The following CAMSAP2 variants were observed in gnomAD, a reference collection of about 807,000 sequenced individuals.
CAMSAP2 encodes the protein calmodulin-regulated spectrin-associated protein 2.
A neutral mutation model predicts 146.1 loss-of-function variants in CAMSAP2; 26 were observed. The ratio of observed to expected loss-of-function variants is 0.18; its 90% CI spans 0.13 to 0.25. CAMSAP2 has a LOEUF of 0.25. CAMSAP2 is among the 10% of genes least tolerant of loss of function. The pLI is 1.00. For synonymous variants in CAMSAP2, 499 were observed against 596.6 expected (o/e 0.84, Z 2.38); for missense variants, 1,381 against 1,759.3 (o/e 0.78, Z 3.85).
intron 2 of CAMSAP2, among the ~76,000 whole-genome samples, chr1:200,774,306 A>AG (rs1665205148): frequency 6.9e-6 from 1 of 144,280 alleles, no homozygotes; most frequent in African/African-American, 2.6e-5. Context: ...CTTCTGTAAT[A>AG]GAAAAAAAAA....
intron 2 of CAMSAP2, among the ~76,000 whole-genome samples, chr1:200,779,717 T>G (rs901813942): frequency 2.6e-5 from 4 of 152,250 alleles, no homozygotes; most frequent in Non-Finnish European, 5.9e-5. Context: ...CTGAATCTTC[T>G]TGTTCTATGA....
intron 11 of CAMSAP2, among the ~76,000 whole-genome samples, 195 bp from the exon 12 acceptor site, chr1:200,852,346 T>C (rs1667642185): frequency 6.6e-6 from 1 of 152,198 alleles, no homozygotes; most frequent in Non-Finnish European, 1.5e-5. Context: ...TTGCCTGTCC[T>C]CTTTTTTGAT....
At chr1:200,799,249 G>T (rs1047166715) in intron 2 of CAMSAP2, among the ~76,000 whole-genome samples, 1 of 152,056 alleles carries the variant, frequency 6.6e-6, no homozygotes, top group East Asian at 1.9e-4. Context: ...AATGGTACCA[G>T]CTCCTCTTTG....
chr1:200,854,182 A>G (rs1307003682), intron 13 of CAMSAP2, among the ~76,000 whole-genome samples: 1 of 151,942 alleles, frequency 6.6e-6, no homozygotes, highest in Non-Finnish European at 1.5e-5. Flanking sequence ...GGGTTTCTTC[A>G]TGTTGTTCAG....
intron 3 of CAMSAP2, among the ~76,000 whole-genome samples, chr1:200,811,311 T>C (rs1361533886): frequency 6.6e-6 from 1 of 152,120 alleles, no homozygotes; most frequent in Non-Finnish European, 1.5e-5. Flanking sequence ...ACATGCACAG[T>C]CCAGGGCTCA....
intron 8 of CAMSAP2, 94 bp from the exon 9 acceptor site, chr1:200,847,116 A>T: frequency 1.2e-6 from 1 of 804,336 alleles, no homozygotes; most frequent in South Asian, 1.8e-5. Flanking sequence ...TTGTAGAATG[A>T]GAGGTGGTAG....
chr1:200,742,893 A>G (rs1205823562), intron 1 of CAMSAP2, among the ~76,000 whole-genome samples: 1 of 152,202 alleles, frequency 6.6e-6, no homozygotes, highest in Non-Finnish European at 1.5e-5. Flanking sequence ...AATATGGAAT[A>G]TTTACTTAAT....
intron 3 of CAMSAP2, among the ~76,000 whole-genome samples, chr1:200,808,282 A>G (rs1382497500): frequency 6.6e-6 from 1 of 152,138 alleles, no homozygotes; most frequent in East Asian, 1.9e-4. Context: ...TGGAGCTGTG[A>G]TTTGTGCTTT....
chr1:200,835,483 A>T (rs1393702523), intron 6 of CAMSAP2, among the ~76,000 whole-genome samples: 1 of 152,204 alleles, frequency 6.6e-6, no homozygotes, highest in Non-Finnish European at 1.5e-5. Context: ...TGTGCCAGAC[A>T]CTATTCTTAG....
At chr1:200,781,055 A>C (rs1665415171) in intron 2 of CAMSAP2, among the ~76,000 whole-genome samples, 1 of 152,192 alleles carries the variant, frequency 6.6e-6, no homozygotes, top group African/African-American at 2.4e-5. Context: ...ACTTTTTTTC[A>C]GGGAATTTTT....
chr1:200,745,755 A>C (rs956140765), intron 1 of CAMSAP2, among the ~76,000 whole-genome samples: 5 of 152,222 alleles, frequency 3.3e-5, no homozygotes, highest in Non-Finnish European at 5.9e-5. Flanking sequence ...TACAGGCATG[A>C]GCCTTTGTGC....
chr1:200,739,578 A>G lies in CAMSAP2; in HGVS notation c.-250A>G, dbSNP rs1664085038. On this transcript the variant is annotated 5_prime_UTR_variant, in exon 1 of 17. Transcript: ENST00000358823. This position sits in a 1 kb window ranked among gnomAD's most constrained non-coding sequence, Gnocchi z 4.8. ...CGGGCACGGGGCGGACCTCGCGCGG[A>G]CGGACGGACGGAGACGGCGCCGCCA... is the stretch of plus-strand genomic sequence containing the variant. The G allele has an allele frequency of 5.0e-6, 1 of 201,676 alleles. No individual in the cohort carries two copies. Among genetic ancestry groups the G allele is most frequent in the Non-Finnish European group, 9.7e-6 (1 of 102,984 alleles). 12.5% of individuals were successfully genotyped at this position (201,676 alleles called of 1,614,324 possible).
intron 1 of CAMSAP2, among the ~76,000 whole-genome samples, chr1:200,745,357 ATAT>A (rs1664293001): frequency 6.6e-6 from 1 of 152,124 alleles, no homozygotes; most frequent in South Asian, 2.1e-4. Context: ...ACTGCTATAA[ATAT>A]TATAAGACAC....
chr1:200,747,999 A>AG (rs1394940763), intron 1 of CAMSAP2, among the ~76,000 whole-genome samples: 2 of 151,800 alleles, frequency 1.3e-5, no homozygotes, highest in African/African-American at 4.8e-5. Flanking sequence ...AAAAAAAAAA[A>AG]AAAAAAGAAA....
intron 2 of CAMSAP2, among the ~76,000 whole-genome samples, chr1:200,800,099 A>G (rs1297712462): frequency 6.6e-6 from 1 of 152,156 alleles, no homozygotes; most frequent in Non-Finnish European, 1.5e-5. Flanking sequence ...TATGTAATCA[A>G]TTTTAGAATA....
intron 2 of CAMSAP2, among the ~76,000 whole-genome samples, chr1:200,769,143 A>G (rs10920023): frequency 0.97 from 148,320 of 152,262 alleles, 72,361 homozygotes; most frequent in Middle Eastern, 1. Flanking sequence ...TGTTCCTTTG[A>G]GAGCCTCGGG....
intron 2 of CAMSAP2, among the ~76,000 whole-genome samples, chr1:200,774,936 G>A (rs1665230558): frequency 1.3e-5 from 2 of 152,150 alleles, no homozygotes; most frequent in Admixed American, 1.3e-4. Context: ...TTTGGTTACG[G>A]GATGTAGTAA....
intron 8 of CAMSAP2, among the ~76,000 whole-genome samples, chr1:200,846,039 CTGA>C (rs1009320590): frequency 5.9e-5 from 9 of 152,120 alleles, no homozygotes; most frequent in African/African-American, 2.2e-4. Flanking sequence ...CCTAATCTAT[CTGA>C]TTTTTTACGT....
intron 1 of CAMSAP2, among the ~76,000 whole-genome samples, chr1:200,742,347 G>A (rs547243129): frequency 9.2e-5 from 14 of 152,300 alleles, no homozygotes; most frequent in African/African-American, 2.6e-4. Context: ...TGCCTTGGCA[G>A]CAGTTGGAAT....
Sources: allele counts gnomAD v4.1 joint callset (sites outside exome capture counted in the v4.1 genomes callset), GRCh38; gene constraint gnomAD v4.1.1; non-coding constraint Gnocchi (gnomAD v3.1); transcripts MANE v1.5; gene names NCBI Gene and HGNC (gene_info 2026-07-23, HGNC 2026-07-21).